HCN1: variants seen among roughly 807,000 people sequenced by gnomAD.
HCN1 encodes hyperpolarization activated cyclic nucleotide gated potassium channel 1.
In HCN1, 13 loss-of-function variants were observed where a neutral mutation model predicts 78.9. The ratio of observed to expected loss-of-function variants is 0.16; its 90% confidence interval spans 0.11 to 0.26. The LOEUF is 0.26. HCN1 is among the 10% of genes least tolerant of loss of function. HCN1 has a pLI of 1.00. For synonymous variants in HCN1, 552 were observed against 455.5 expected, an observed-to-expected ratio of 1.21 and a Z score of -2.70; for missense variants, 810 against 1,154.3, an observed-to-expected ratio of 0.70 and a Z score of 4.32.
At chr5:45,671,463 G>C (rs1443689223) in intron 1 of HCN1, among the ~76,000 whole-genome samples, 7 of 151,156 alleles carry the variant, frequency 4.6e-5, no homozygotes, top group Admixed American at 4.0e-4. Flanking sequence ...ACTCCCACTA[G>C]ACTGTAAGAT....
chr5:45,640,252 A>G (rs1245204118), intron 2 of HCN1, among the ~76,000 whole-genome samples: 1 of 152,122 alleles, frequency 6.6e-6, no homozygotes, highest in Non-Finnish European at 1.5e-5. Flanking sequence ...TGAAGAACGG[A>G]TACTCTCTTA....
chr5:45,524,080 G>T (rs1384188167), intron 2 of HCN1, among the ~76,000 whole-genome samples: 1 of 152,062 alleles, frequency 6.6e-6, no homozygotes, highest in Non-Finnish European at 1.5e-5. Flanking sequence ...TCTATACATG[G>T]CTAGCCAGTT....
intron 2 of HCN1, among the ~76,000 whole-genome samples, chr5:45,546,658 T>C (rs1743236213): frequency 6.6e-6 from 1 of 151,884 alleles, no homozygotes; most frequent in Non-Finnish European, 1.5e-5. Context: ...TCTGTCTCTC[T>C]CTCCTTTCCT....
chr5:45,324,044 T>C (rs970648406), intron 5 of HCN1, among the ~76,000 whole-genome samples: 2 of 151,740 alleles, frequency 1.3e-5, no homozygotes, highest in African/African-American at 4.8e-5. Context: ...TCTTTATAGC[T>C]GCATGATTTA....
intron 3 of HCN1, among the ~76,000 whole-genome samples, chr5:45,415,425 C>G (rs1370598571): frequency 6.6e-6 from 1 of 151,924 alleles, no homozygotes; most frequent in East Asian, 1.9e-4. Context: ...TCCCCTGCAT[C>G]TCTCCTGAGC....
rs1405900825 is a variant in HCN1 at position 45,258,582 on chromosome 5, T to C, written c.*3339A>G. The C allele has an allele frequency of 1.3e-5, 2 of 152,102 alleles. No homozygotes were observed. The highest frequency in any genetic ancestry group is 2.4e-5 in the African/African-American group (1 of 41,450). 9.4% of individuals were successfully genotyped at this position (152,102 alleles called of 1,614,324 possible). Reference sequence around the variant, plus strand: ...CATTATGATAAACTCTATCTCAGGCTTTTAGGTATCATTTAAAACCCACTT... The same window carrying C: ...CATTATGATAAACTCTATCTCAGGCCTTTAGGTATCATTTAAAACCCACTT... On this transcript the variant is annotated 3_prime_UTR_variant, in exon 8 of 8. Transcript: ENST00000303230.
At chr5:45,617,617 A>G (rs1445009993) in intron 2 of HCN1, among the ~76,000 whole-genome samples, 3 of 152,124 alleles carry the variant, frequency 2.0e-5, no homozygotes, top group Non-Finnish European at 4.4e-5. Flanking sequence ...TGAACTCTAG[A>G]GGAACCTCTT....
chr5:45,267,074 A>G lies in HCN1; in HGVS notation c.1783+15T>C. 6.2e-7 allele frequency: 1 copy of G among 1,600,558 alleles called. No homozygotes were observed. Among genetic ancestry groups the G allele is most frequent in the Non-Finnish European group, 8.6e-7 (1 of 1,169,046 alleles). ...AGATTAAATTTTATATAAAGAAGGT[A>G]GAAAACTAGAGTACCTATTCGATCT... On this transcript the variant is annotated intron_variant, in intron 7 of 7. Transcript: ENST00000303230.
intron 1 of HCN1, among the ~76,000 whole-genome samples, chr5:45,650,511 A>G (rs904187678): frequency 6.6e-6 from 1 of 152,060 alleles, no homozygotes; most frequent in Non-Finnish European, 1.5e-5. Context: ...CAGAGAGGAC[A>G]CTCACTGGAA....
intron 2 of HCN1, among the ~76,000 whole-genome samples, chr5:45,485,710 C>T (rs1318172296): frequency 3.9e-5 from 6 of 152,044 alleles, no homozygotes; most frequent in Non-Finnish European, 7.4e-5. Context: ...AAAGATAGTA[C>T]GATCGTTCTT....
intron 2 of HCN1, among the ~76,000 whole-genome samples, chr5:45,505,055 G>A (rs1463051458): frequency 1.3e-5 from 2 of 152,126 alleles, no homozygotes. Flanking sequence ...TAGGTTGCCT[G>A]TTCACTCTGA....
At chr5:45,521,120 C>T (rs1478832875) in intron 2 of HCN1, among the ~76,000 whole-genome samples, 8 of 151,144 alleles carry the variant, frequency 5.3e-5, no homozygotes, top group African/African-American at 1.7e-4. Context: ...CCTGAAGAGA[C>T]GAAAAGAGAG....
Position 45,676,492 on chromosome 5 carries a change from G to A in HCN1, c.425+19177C>T, listed in dbSNP as rs555987371. On this transcript the variant is annotated intron_variant, in intron 1 of 7. Transcript: ENST00000303230. ...GAGAAAAATTTTTAACATGTTCAGA[G>A]CAAGATATGTTTGGAGCATGTCTTG... 2.0e-5 allele frequency among the ~76,000 whole-genome samples: 3 copies of A among 151,734 alleles called. No homozygotes were observed. In the South Asian group the frequency reaches 6.2e-4, roughly 31 times the overall value.
chr5:45,458,708 C>A (rs1741074536), intron 3 of HCN1, among the ~76,000 whole-genome samples: 1 of 152,124 alleles, frequency 6.6e-6, no homozygotes. Flanking sequence ...GCATTCTACT[C>A]TTGGTTCTAT....
chr5:45,304,298 T>G (rs1181694299), intron 5 of HCN1, among the ~76,000 whole-genome samples: 1 of 83,180 alleles, frequency 1.2e-5, no homozygotes, highest in Non-Finnish European at 2.1e-5. Flanking sequence ...CATTTTGATG[T>G]TTTTTTTTTT....
At chr5:45,359,446 T>A (rs569102743) in intron 4 of HCN1, among the ~76,000 whole-genome samples, 122 of 151,160 alleles carry the variant, frequency 8.1e-4, no homozygotes, top group Non-Finnish European at 1.5e-3. Context: ...ACCTGATTTA[T>A]AATATCTCAA....
chr5:45,393,291 C>T (rs1032973030), intron 4 of HCN1, among the ~76,000 whole-genome samples: 4 of 152,104 alleles, frequency 2.6e-5, no homozygotes, highest in Non-Finnish European at 4.4e-5. Context: ...GAAGTGAACA[C>T]ATAAAGCTTC....
At chr5:45,562,721 C>G (rs189474963) in intron 2 of HCN1, among the ~76,000 whole-genome samples, 1 of 152,108 alleles carries the variant, frequency 6.6e-6, no homozygotes, top group East Asian at 1.9e-4. Context: ...AAGACTAAAA[C>G]CAGAATTGCC....
intron 4 of HCN1, among the ~76,000 whole-genome samples, chr5:45,365,586 A>G (rs891267750): frequency 4.6e-5 from 7 of 151,826 alleles, no homozygotes; most frequent in Non-Finnish European, 7.4e-5. Flanking sequence ...TATCCATTCA[A>G]CTGTTGGTGG....
Sources: allele counts gnomAD v4.1 joint callset (sites outside exome capture counted in the v4.1 genomes callset), GRCh38; gene constraint gnomAD v4.1.1; transcripts MANE v1.5; gene names NCBI Gene and HGNC (gene_info 2026-07-23, HGNC 2026-07-21).